Variants in SOAT1 observed in about 807,000 individuals in gnomAD.
The protein encoded by SOAT1 is acyl-coenzyme A:cholesterol acyltransferase 1.
Under a neutral mutation model 69.5 loss-of-function variants are expected in SOAT1, and 55 were observed. The ratio of observed to expected loss-of-function variants is 0.79; its 90% confidence interval spans 0.64 to 0.99. The LOEUF (loss-of-function observed/expected upper bound fraction) is 0.99. SOAT1 is among the 50% of genes least tolerant of loss of function. The pLI is 0.00. For missense variants in SOAT1, 580 were observed against 669.3 expected (o/e 0.87, Z 1.47); for synonymous variants, 231 against 224.7 (o/e 1.03, Z -0.25).
chr1:179,347,746 T>C, intron 12 of SOAT1, 49 bp downstream of exon 12: 1 of 1,046,628 alleles, frequency 9.6e-7, no homozygotes, highest in South Asian at 1.4e-5. Context: ...ATTAACTTCT[T>C]CATTATTAGT....
At chr1:179,318,891 G>A (rs1208169950) in intron 2 of SOAT1, among the ~76,000 whole-genome samples, 1 of 151,968 alleles carries the variant, frequency 6.6e-6, no homozygotes, top group Non-Finnish European at 1.5e-5. Flanking sequence ...CTATTATTAT[G>A]ACTAATGCTG....
At position 179,328,255 on chromosome 1, in the gene SOAT1, A is replaced by G. The variant is rs117515089; in HGVS notation, c.177+4760A>G. Among the ~76,000 whole-genome samples, 146 of 152,302 alleles carry G rather than the reference A, an allele frequency of 9.6e-4. 1 individual carries two copies. In the East Asian group the frequency reaches 0.026, roughly 28 times the overall value. On this transcript the variant is annotated intron_variant, in intron 3 of 15. Coordinates refer to ENST00000367619, the MANE Select transcript of SOAT1 (RefSeq NM_003101.6). ...CCTGGCCTAGCTTTGCTTTAACATT[A>G]TGTTAAGCTATTTCTTTTGGTTGCA... is the stretch of plus-strand genomic sequence containing the variant.
intron 2 of SOAT1, among the ~76,000 whole-genome samples, chr1:179,321,196 A>G (rs1321568750): frequency 1.3e-5 from 2 of 151,948 alleles, no homozygotes; most frequent in Non-Finnish European, 2.9e-5. Context: ...ATGAGCCACC[A>G]CGCCCAGCCA....
intron 8 of SOAT1, 30 bp downstream of exon 8, chr1:179,342,222 T>C (rs896048041): frequency 1.9e-6 from 3 of 1,544,190 alleles, no homozygotes; most frequent in Non-Finnish European, 1.8e-6. Flanking sequence ...CATTATTTCT[T>C]CCTCCCCTCC....
At chr1:179,348,789 T>C in intron 12 of SOAT1, 55 bp from the exon 13 acceptor site, 1 of 613,050 alleles carries the variant, frequency 1.6e-6, no homozygotes, top group East Asian at 3.2e-5. Context: ...TGTGTGTGTG[T>C]GTGTGTGTGT....
chr1:179,320,847 T>C (rs1665571624), intron 2 of SOAT1, among the ~76,000 whole-genome samples: 1 of 152,092 alleles, frequency 6.6e-6, no homozygotes, highest in African/African-American at 2.4e-5. Context: ...GTGATTGTTC[T>C]GCCATCTTCC....
chr1:179,307,803 T>C (rs1665060255), intron 2 of SOAT1, among the ~76,000 whole-genome samples: 2 of 152,048 alleles, frequency 1.3e-5, no homozygotes, highest in African/African-American at 4.8e-5. Flanking sequence ...TTTTTTTTTT[T>C]TTTTTGAGAT....
rs1452716307 is a variant in SOAT1, at chr1:179,358,354, T to G, written c.*4713T>G. 1 of 152,236 alleles carries G rather than the reference T, an allele frequency of 6.6e-6. No individual in the cohort carries two copies. Among genetic ancestry groups the G allele is most frequent in the Non-Finnish European group, 1.5e-5 (1 of 68,034 alleles). The allele number at this position is 152,236 out of a possible 1,614,324, so 9.4% of individuals were successfully genotyped here. A position where few individuals can be genotyped will look rare whatever the true frequency, so the allele number is the denominator to read the frequency against. ...TAAGCCCTAATGGAGTGATAAACTT[T>G]AAGCTAGTAGATACTGCACCATGTC... On this transcript the variant is annotated 3_prime_UTR_variant, in exon 16 of 16. Transcript: ENST00000367619.
At chr1:179,329,464 G>A (rs1245237037) in intron 3 of SOAT1, among the ~76,000 whole-genome samples, 4 of 152,100 alleles carry the variant, frequency 2.6e-5, no homozygotes, top group Admixed American at 1.3e-4. Flanking sequence ...GGTAGCTCAC[G>A]CCTGTAATCC....
At chr1:179,338,839 T>C (rs1352281739) in intron 5 of SOAT1, among the ~76,000 whole-genome samples, 1 of 152,090 alleles carries the variant, frequency 6.6e-6, no homozygotes, top group African/African-American at 2.4e-5. Flanking sequence ...GGTCCAGAGA[T>C]TGAGTAGTAG....
At chr1:179,345,542 A>G (rs1269235688) in intron 11 of SOAT1, among the ~76,000 whole-genome samples, 6 of 151,598 alleles carry the variant, frequency 4.0e-5, no homozygotes, top group Admixed American at 3.9e-4. Context: ...CACATTTTTA[A>G]ATCTCTCTTG....
At chr1:179,322,134 C>T (rs190158298) in intron 2 of SOAT1, among the ~76,000 whole-genome samples, 2 of 152,180 alleles carry the variant, frequency 1.3e-5, no homozygotes, top group Non-Finnish European at 2.9e-5. Flanking sequence ...ATCCTCCCCA[C>T]CAGCCTCCTA....
At chr1:179,330,589 A>T (rs1173638727) in intron 3 of SOAT1, among the ~76,000 whole-genome samples, 1 of 152,180 alleles carries the variant, frequency 6.6e-6, no homozygotes, top group Non-Finnish European at 1.5e-5. Flanking sequence ...GACTATTTAC[A>T]TCAAAGTTGA....
intron 3 of SOAT1, among the ~76,000 whole-genome samples, chr1:179,333,408 A>AAC (rs796088434): frequency 3.3e-5 from 5 of 151,854 alleles, no homozygotes; most frequent in African/African-American, 1.2e-4. Context: ...AAAAAAAAAA[A>AAC]AACAAAGTCT....
chr1:179,352,249 G>GC (rs1666764693), intron 15 of SOAT1, among the ~76,000 whole-genome samples: 1 of 140,740 alleles, frequency 7.1e-6, no homozygotes, highest in Admixed American at 7.3e-5. Context: ...TAGGAGGATG[G>GC]CTTTTTTTTT....
chr1:179,313,862 G>A (rs549332946), intron 2 of SOAT1, among the ~76,000 whole-genome samples: 17 of 152,192 alleles, frequency 1.1e-4, no homozygotes, highest in Non-Finnish European at 1.6e-4. Context: ...GGGATTACAG[G>A]TGTGAGCCAC....
At chr1:179,312,623 C>T (rs1665258828) in intron 2 of SOAT1, among the ~76,000 whole-genome samples, 1 of 152,150 alleles carries the variant, frequency 6.6e-6, no homozygotes, top group Admixed American at 6.6e-5. Flanking sequence ...TCTCCAGTGC[C>T]CTGTGTGTTT....
chr1:179,310,353 G>T (rs1665182303), intron 2 of SOAT1, among the ~76,000 whole-genome samples: 1 of 151,166 alleles, frequency 6.6e-6, no homozygotes, highest in African/African-American at 2.4e-5. Flanking sequence ...TCATCATTGG[G>T]GATCTAATTT....
At chr1:179,314,725 G>A (rs924492311) in intron 2 of SOAT1, among the ~76,000 whole-genome samples, 1 of 152,042 alleles carries the variant, frequency 6.6e-6, no homozygotes, top group African/African-American at 2.4e-5. Context: ...CAGCACGCCT[G>A]GAGTCTGGTG....
Sources: gnomAD v4.1 joint callset for allele counts (sites outside exome capture counted in the v4.1 genomes callset) on GRCh38, gnomAD v4.1.1 for gene constraint, MANE v1.5 for transcripts, NCBI Gene and HGNC (gene_info 2026-07-23, HGNC 2026-07-21) for gene names.